Variants in ZC2HC1B observed in about 807,000 individuals in gnomAD.
The protein encoded by ZC2HC1B is zinc finger C2HC-type containing 1B, also known as zinc finger C2HC domain-containing protein 1B.
In ZC2HC1B, 36 loss-of-function variants were observed where a neutral mutation model predicts 31.0. The observed-to-expected ratio is 1.16, with a 90% CI of 0.89 to 1.54. ZC2HC1B has a LOEUF of 1.54. Ranked by LOEUF, ZC2HC1B falls within the 40% of genes most tolerant of loss-of-function variation. The pLI is 0.00. For missense variants in ZC2HC1B, 260 were observed against 268.6 expected, an observed-to-expected ratio of 0.97 and a Z score of 0.22; for synonymous variants, 73 against 88.0, an observed-to-expected ratio of 0.83 and a Z score of 0.95.
chr6:143,869,887 CAG>C lies in ZC2HC1B; in HGVS notation c.28+5321_28+5322del, dbSNP rs1222731894. 3.3e-5 allele frequency among the ~76,000 whole-genome samples: 5 copies of C among 152,198 alleles called. No homozygotes were observed. In the East Asian group the frequency reaches 7.7e-4, roughly 23 times the overall value. ...TGTTCATGGGCCCATTGGGCGACAA[CAG>C]GGGTGGCTGGGGAAAGAGGCTGAGT... On this transcript the variant is annotated intron_variant, in intron 1 of 7. Transcript: ENST00000237275. The surrounding 1 kb of genome is among the most constrained non-coding windows in gnomAD (Gnocchi z 5.2).
chr6:143,925,609 T>A (rs895139994), intron 6 of ZC2HC1B, among the ~76,000 whole-genome samples: 3 of 150,344 alleles, frequency 2.0e-5, no homozygotes, highest in African/African-American at 7.3e-5. Context: ...CGATCTCGTC[T>A]CGCCGCAACC....
chr6:143,923,120 A>G lies in ZC2HC1B; in HGVS notation c.599-14529A>G, dbSNP rs1474301190. 6.7e-6 allele frequency among the ~76,000 whole-genome samples: 1 copy of G among 150,338 alleles called. No homozygotes were observed. Among genetic ancestry groups the G allele is most frequent in the Non-Finnish European group, 1.5e-5 (1 of 67,608 alleles). On this transcript the variant is annotated intron_variant, in intron 6 of 7. Transcript: ENST00000237275. The surrounding 1 kb of genome is among the most constrained non-coding windows in gnomAD (Gnocchi z 4.8). ...TCCCTGATAATTAATTATGTTGAAC[A>G]TTTTTTCCATATACCTGTTGTCCAT...
At position 143,903,005 on chromosome 6, in the gene ZC2HC1B, G is replaced by C; in HGVS notation, c.490-39G>C. 1 of 1,542,376 alleles carries C rather than the reference G, an allele frequency of 6.5e-7. No individual in the cohort carries two copies. On this transcript the variant is annotated intron_variant, in intron 5 of 7. Transcript: ENST00000237275. This position sits in a 1 kb window ranked among gnomAD's most constrained non-coding sequence, Gnocchi z 4.3. The stretch of plus-strand genomic sequence containing the variant: ...TATGTGGCACCTGAGGTTACATACA[G>C]AAGGTGTTCTCTTTGTCTCTTTCTT...
At position 143,883,728 on chromosome 6, in the gene ZC2HC1B, C is replaced by G. The variant is rs1203352836; in HGVS notation, c.29-576C>G. ...CTGCATACTTTTTTTCTGTGCTGGTCCCATGTATGATTTCTCCCAATATTT... is the reference window on the plus strand; with the variant it reads ...CTGCATACTTTTTTTCTGTGCTGGTGCCATGTATGATTTCTCCCAATATTT... On this transcript the variant is annotated intron_variant, in intron 1 of 7. Coordinates refer to ENST00000237275, the MANE Select transcript of ZC2HC1B (RefSeq NM_001013623.3). This position sits in a 1 kb window ranked among gnomAD's most constrained non-coding sequence, Gnocchi z 4.1. 6.6e-6 allele frequency among the ~76,000 whole-genome samples: 1 copy of G among 152,120 alleles called. No homozygotes were observed. Among genetic ancestry groups the G allele is most frequent in the Non-Finnish European group, 1.5e-5 (1 of 68,004 alleles).
chr6:143,895,269 TCTC>T lies in ZC2HC1B; in HGVS notation c.350-3280_350-3278del, dbSNP rs1777652117. On this transcript the variant is annotated intron_variant, in intron 4 of 7. Transcript: ENST00000237275. The surrounding 1 kb of genome is among the most constrained non-coding windows in gnomAD (Gnocchi z 4.8). Reference sequence around the variant, plus strand: ...ACTCCGCCTCCCAGGTTCAAGCAATTCTCCTGTTTCAGCCTCCTGAGTAGCTGG... The same window carrying T: ...ACTCCGCCTCCCAGGTTCAAGCAATTCTGTTTCAGCCTCCTGAGTAGCTGG... 6.6e-6 allele frequency among the ~76,000 whole-genome samples: 1 copy of T among 152,116 alleles called. No homozygotes were observed. Among genetic ancestry groups the T allele is most frequent in the Admixed American group, 6.5e-5 (1 of 15,270 alleles).
Position 143,913,877 on chromosome 6 carries a change from C to G in ZC2HC1B, c.598+10725C>G, listed in dbSNP as rs1777888771. The stretch of plus-strand genomic sequence containing the variant: ...CCGTGTATTGAGTTGTTTCCCTAAT[C>G]AGTCCCAGTGTGAGAACCTGGATGT... On this transcript the variant is annotated intron_variant, in intron 6 of 7. Transcript: ENST00000237275. This position sits in a 1 kb window ranked among gnomAD's most constrained non-coding sequence, Gnocchi z 5.7. Among the ~76,000 whole-genome samples the G allele has an allele frequency of 6.6e-6, 1 of 152,220 alleles. No homozygotes were observed. Among genetic ancestry groups the G allele is most frequent in the African/African-American group, 2.4e-5 (1 of 41,460 alleles).
In ZC2HC1B at chr6:143,908,253, A is replaced by C. The variant is rs117086193; in HGVS notation, c.598+5101A>C. ...CTTTTTGCTTAGGATTGTCTTGACTATTTGGGCTCTGTTTTGATTTCATAT... is the reference window on the plus strand; with the variant it reads ...CTTTTTGCTTAGGATTGTCTTGACTCTTTGGGCTCTGTTTTGATTTCATAT... On this transcript the variant is annotated intron_variant, in intron 6 of 7. Coordinates refer to ENST00000237275, the MANE Select transcript of ZC2HC1B (RefSeq NM_001013623.3). This position sits in a 1 kb window ranked among gnomAD's most constrained non-coding sequence, Gnocchi z 4.4. Among the ~76,000 whole-genome samples the C allele has an allele frequency of 0.035, 5,334 of 151,690 alleles. 120 individuals are homozygous for C. The highest frequency in any genetic ancestry group is 0.11 in the South Asian group (542 of 4,780).
At position 143,865,407 on chromosome 6, in the gene ZC2HC1B, A is replaced by G. The variant is rs2128492638; in HGVS notation, c.28+840A>G. Among the ~76,000 whole-genome samples the G allele has an allele frequency of 6.6e-6, 1 of 152,338 alleles. No homozygotes were observed. Among genetic ancestry groups the G allele is most frequent in the Admixed American group, 6.5e-5 (1 of 15,310 alleles). ...CCCCAGAAGTGCTTTCACTGCAGACAGACCTTCCTCATGGTTGGTGCTCAG... is the reference window on the plus strand; with the variant it reads ...CCCCAGAAGTGCTTTCACTGCAGACGGACCTTCCTCATGGTTGGTGCTCAG... On this transcript the variant is annotated intron_variant, in intron 1 of 7. Transcript: ENST00000237275. This position sits in a 1 kb window ranked among gnomAD's most constrained non-coding sequence, Gnocchi z 4.4.
chr6:143,927,178 G>T (rs902776716), intron 6 of ZC2HC1B, among the ~76,000 whole-genome samples: 1 of 151,996 alleles, frequency 6.6e-6, no homozygotes, highest in African/African-American at 2.4e-5. Flanking sequence ...GATTTAGGGG[G>T]TACAAATACA....
intron 6 of ZC2HC1B, among the ~76,000 whole-genome samples, chr6:143,935,293 A>G (rs371475160): frequency 2.0e-5 from 3 of 152,156 alleles, no homozygotes; most frequent in Admixed American, 1.3e-4. Context: ...AGGCCCCAAC[A>G]ATGCACAGAA....
At chr6:143,882,956 C>T (rs1399009158) in intron 1 of ZC2HC1B, among the ~76,000 whole-genome samples, 1 of 152,158 alleles carries the variant, frequency 6.6e-6, no homozygotes, top group Non-Finnish European at 1.5e-5. Flanking sequence ...CTAACTCCCA[C>T]AAATCTAATC....
chr6:143,925,881 T>C (rs1325969030), intron 6 of ZC2HC1B, among the ~76,000 whole-genome samples: 1 of 152,190 alleles, frequency 6.6e-6, no homozygotes, highest in Non-Finnish European at 1.5e-5. Context: ...TTTATCCATT[T>C]CCTCTAGCTT....
rs756440197 is a variant in ZC2HC1B at position 143,908,941 on chromosome 6, A to AG, written c.598+5790dup. Among the ~76,000 whole-genome samples, 2 of 152,068 alleles carry AG rather than the reference A, an allele frequency of 1.3e-5. No homozygotes were observed. Among genetic ancestry groups the AG allele is most frequent in the Non-Finnish European group, 2.9e-5 (2 of 68,006 alleles). On this transcript the variant is annotated intron_variant, in intron 6 of 7. Coordinates refer to ENST00000237275, the MANE Select transcript of ZC2HC1B (RefSeq NM_001013623.3). This position sits in a 1 kb window ranked among gnomAD's most constrained non-coding sequence, Gnocchi z 4.4. ...TCATATGTGACACTTATTATTTTGA[A>AG]GTGTGTTCCTTTAATACCTAGTTTA...
chr6:143,917,385 G>A lies in ZC2HC1B; in HGVS notation c.598+14233G>A, dbSNP rs6932120. ...CTTTTGTTTTTAGTTGATTTTTGAA[G>A]CAAAACATTTATATTCCTTCCTCAT... On this transcript the variant is annotated intron_variant, in intron 6 of 7. Coordinates refer to ENST00000237275, the MANE Select transcript of ZC2HC1B (RefSeq NM_001013623.3). This position sits in a 1 kb window ranked among gnomAD's most constrained non-coding sequence, Gnocchi z 4.1. 0.37 allele frequency among the ~76,000 whole-genome samples: 55,504 copies of A among 152,000 alleles called. 10,338 individuals are homozygous for A. The highest frequency in any genetic ancestry group is 0.48 in the South Asian group (2,313 of 4,814).
Position 143,886,663 on chromosome 6 carries a change from G to A in ZC2HC1B, c.211-20G>A. On this transcript the variant is annotated intron_variant, in intron 3 of 7. Coordinates refer to ENST00000237275, the MANE Select transcript of ZC2HC1B (RefSeq NM_001013623.3). This position sits in a 1 kb window ranked among gnomAD's most constrained non-coding sequence, Gnocchi z 4.2. ...AGGTATATAGTCTAGGGTATTATTT[G>A]TTGGTTTTATTTTTTACAGTCTCCA... 6.6e-7 allele frequency: 1 copy of A among 1,515,644 alleles called. No individual in the cohort carries two copies. The highest frequency in any genetic ancestry group is 1.3e-5 in the South Asian group (1 of 77,982). The allele number at this position is 1,515,644 out of a possible 1,614,324, so 93.9% of individuals were successfully genotyped here. A position where few individuals can be genotyped will look rare whatever the true frequency, so the allele number is the denominator to read the frequency against.
intron 1 of ZC2HC1B, among the ~76,000 whole-genome samples, chr6:143,882,798 G>A (rs1362847501): frequency 1.3e-5 from 2 of 152,058 alleles, no homozygotes; most frequent in East Asian, 1.9e-4. Flanking sequence ...TTTCAACTCA[G>A]TGTTTCCAAA....
rs1047215871 is a variant in ZC2HC1B, at chr6:143,908,918, A to G, written c.598+5766A>G. On this transcript the variant is annotated intron_variant, in intron 6 of 7. Coordinates refer to ENST00000237275, the MANE Select transcript of ZC2HC1B (RefSeq NM_001013623.3). This position sits in a 1 kb window ranked among gnomAD's most constrained non-coding sequence, Gnocchi z 4.4. ...GTATGATATTGGCTGTGGGTTTGTC[A>G]TATGTGACACTTATTATTTTGAAGT... Among the ~76,000 whole-genome samples the G allele has an allele frequency of 2.0e-5, 3 of 152,178 alleles. No homozygotes were observed. Among genetic ancestry groups the G allele is most frequent in the Non-Finnish European group, 2.9e-5 (2 of 68,036 alleles).
intron 6 of ZC2HC1B, among the ~76,000 whole-genome samples, chr6:143,925,711 G>A (rs1473301297): frequency 6.6e-6 from 1 of 151,512 alleles, no homozygotes; most frequent in Non-Finnish European, 1.5e-5. Flanking sequence ...TAATTTTTTT[G>A]TATTTTTAGT....
Position 143,884,160 on chromosome 6 carries a change from G to T in ZC2HC1B, c.29-144G>T, listed in dbSNP as rs2128493919. The T allele has an allele frequency of 4.9e-6, 3 of 612,492 alleles. No homozygotes were observed. The highest frequency in any genetic ancestry group is 1.8e-5 in the African/African-American group (1 of 54,176). 37.9% of individuals were successfully genotyped at this position (612,492 alleles called of 1,614,324 possible). Reference sequence around the variant, plus strand: ...CACAGGTGAGTTTAGTTTACACAGGGTCTTCCCAAAGGGAAGAAGCAGTTG... The same window carrying T: ...CACAGGTGAGTTTAGTTTACACAGGTTCTTCCCAAAGGGAAGAAGCAGTTG... On this transcript the variant is annotated intron_variant, in intron 1 of 7. Transcript: ENST00000237275. This position sits in a 1 kb window ranked among gnomAD's most constrained non-coding sequence, Gnocchi z 5.1.
Sources: gnomAD v4.1 joint callset for allele counts (sites outside exome capture counted in the v4.1 genomes callset) on GRCh38, gnomAD v4.1.1 for gene constraint, Gnocchi (gnomAD v3.1) non-coding constraint, MANE v1.5 for transcripts, NCBI Gene and HGNC (gene_info 2026-07-23, HGNC 2026-07-21) for gene names.